The following ZBTB21 variants were observed in gnomAD, a reference collection of about 807,000 sequenced individuals.
ZBTB21 encodes the protein zinc finger and BTB domain containing 21.
Under a neutral mutation model 39.8 loss-of-function variants are expected in ZBTB21, and 10 were observed. That is an observed-to-expected ratio of 0.25 (90% CI 0.16 to 0.43). The LOEUF is 0.43. ZBTB21 is among the 20% of genes least tolerant of loss of function. ZBTB21 has a pLI of 1.00. For missense variants in ZBTB21, 1,221 were observed against 1,296.3 expected (o/e 0.94, Z 0.89); for synonymous variants, 551 against 498.8 (o/e 1.10, Z -1.40).
chr21:41,996,753 A>T (rs1157923561), intron 2 of ZBTB21, among the ~76,000 whole-genome samples: 1 of 152,190 alleles, frequency 6.6e-6, no homozygotes, highest in Non-Finnish European at 1.5e-5. Context: ...CTCATTTTGA[A>T]TTGTAGCTCT....
In ZBTB21 at chr21:42,008,555, A is replaced by G. The variant is rs557482590; in HGVS notation, c.-79+1697T>C. On this transcript the variant is annotated intron_variant, in intron 1 of 2. Coordinates refer to ENST00000310826, the MANE Select transcript of ZBTB21 (RefSeq NM_001098402.2). ...GAAACTCTGTCAAAAAAAAAAAAAA[A>G]AAAAAAAGAAAAAAAGAAAAGAAAA... Among the ~76,000 whole-genome samples the G allele has an allele frequency of 7.8e-4, 105 of 134,480 alleles. 1 individual carries two copies. The highest frequency in any genetic ancestry group is 1.9e-3 in the African/African-American group (74 of 39,910). The allele number at this position is 134,480 out of a possible 152,430, so 88.2% of individuals were successfully genotyped here.
intron 1 of ZBTB21, among the ~76,000 whole-genome samples, chr21:42,006,761 G>A (rs2065884068): frequency 6.6e-6 from 1 of 152,234 alleles, no homozygotes; most frequent in African/African-American, 2.4e-5. Flanking sequence ...TGGTCTCTAA[G>A]AGGTAATTAA....
At chr21:42,000,217 G>T (rs962232871) in intron 2 of ZBTB21, among the ~76,000 whole-genome samples, 18 of 152,320 alleles carry the variant, frequency 1.2e-4, no homozygotes, top group East Asian at 9.6e-4. Flanking sequence ...GAAAAACCAG[G>T]AGTTCAGATT....
At position 42,010,316 on chromosome 21, in the gene ZBTB21, A is replaced by AGCC; in HGVS notation, c.-146_-144dup. ...CTCACACTCGGCTCGCGCGCGCCGC[A>AGCC]GCCGCCGCTGCCGCTGTGATTCCAT... On this transcript the variant is annotated 5_prime_UTR_variant, in exon 1 of 3. Transcript: ENST00000310826. 1 of 398,138 alleles carries AGCC rather than the reference A, an allele frequency of 2.5e-6. No homozygotes were observed. The highest frequency in any genetic ancestry group is 3.6e-5 in the East Asian group (1 of 28,006). 24.7% of individuals were successfully genotyped at this position (398,138 alleles called of 1,614,324 possible).
At position 41,991,971 on chromosome 21, in the gene ZBTB21, G is replaced by A. The variant is rs766911585; in HGVS notation, c.2125C>T (p.His709Tyr). 5.6e-6 allele frequency: 9 copies of A among 1,614,042 alleles called. No individual in the cohort carries two copies. Among genetic ancestry groups the A allele is most frequent in the South Asian group, 1.1e-5 (1 of 91,094 alleles). Residue 709 changes from histidine (H) to tyrosine (Y), a missense_variant, in exon 3 of 3, where the codon CAT becomes TAT. Physicochemically the swap from His to Tyr is moderately conservative, Grantham distance 83 (BLOSUM62 2). Coordinates refer to ENST00000310826, the MANE Select transcript of ZBTB21 (RefSeq NM_001098402.2). The surrounding 1 kb of genome is among the most constrained non-coding windows in gnomAD (Gnocchi z 4.9). The stretch of plus-strand genomic sequence containing the variant: ...TCTACTGGACTTGCAAGAGGAGCAT[G>A]CTCTTTTGGTTTAGCAACTTTATTT... ...GVNKVAKPKEHAPLASPVENK... is the reference protein window; with the variant it reads ...GVNKVAKPKEYAPLASPVENK...
Position 41,992,597 on chromosome 21 carries a change from T to C in ZBTB21, c.1499A>G (p.Asn500Ser). 2 of 1,614,224 alleles carry C rather than the reference T, an allele frequency of 1.2e-6. No individual in the cohort carries two copies. The highest frequency in any genetic ancestry group is 1.7e-6 in the Non-Finnish European group (2 of 1,180,042). The stretch of plus-strand genomic sequence containing the variant: ...TTCTGACACAGGAGACCCGTGCTCA[T>C]TCACCTTTAACTTCTTAAACGGCAA... ...RRLPFKKLKV[N>S]EHGSPVSEDN... is the part of the protein sequence containing the mutation. The change falls in exon 3 of 3, where the codon AAT becomes AGT. Residue 500 changes from asparagine (N) to serine (S), a missense_variant. Physicochemically the swap from Asn to Ser is conservative, Grantham distance 46. Around this residue, in one of 4 missense-constraint regions of ZBTB21, gnomAD observed 500 missense variants for 465.6 expected, o/e 1.07. Transcript: ENST00000310826. This position sits in a 1 kb window ranked among gnomAD's most constrained non-coding sequence, Gnocchi z 4.1.
chr21:42,006,497 ACTCTGT>A (rs956711935), intron 1 of ZBTB21, among the ~76,000 whole-genome samples: 3 of 151,510 alleles, frequency 2.0e-5, no homozygotes, highest in Admixed American at 6.6e-5. Context: ...TGCTCCAGAT[ACTCTGT>A]CTCTAAGACC....
rs1040314066 is a variant in ZBTB21, at chr21:41,990,586, T to C, written c.*309A>G. ...ATCAATAAAAAACCAAAAACCTCAA[T>C]TAAATGATTATACTGACACCATGGA... On this transcript the variant is annotated 3_prime_UTR_variant, in exon 3 of 3. Transcript: ENST00000310826. The C allele has an allele frequency of 2.6e-5, 5 of 189,334 alleles. No homozygotes were observed. The highest frequency in any genetic ancestry group is 6.1e-5 in the Admixed American group (1 of 16,460). 11.7% of individuals were successfully genotyped at this position (189,334 alleles called of 1,614,324 possible).
chr21:41,986,851 A>G lies in ZBTB21; in HGVS notation c.*4044T>C, dbSNP rs1373396357. 1 of 152,636 alleles carries G rather than the reference A, an allele frequency of 6.6e-6. No individual in the cohort carries two copies. The highest frequency in any genetic ancestry group is 6.5e-5 in the Admixed American group (1 of 15,282). The allele number at this position is 152,636 out of a possible 1,614,324, so 9.5% of individuals were successfully genotyped here. A position where few individuals can be genotyped will look rare whatever the true frequency, so the allele number is the denominator to read the frequency against. ...CTGACTCGAAGCAAAATACAGTACA[A>G]ATTTATTGACTCCAATCATTCTTAG... On this transcript the variant is annotated 3_prime_UTR_variant, in exon 3 of 3. Coordinates refer to ENST00000310826, the MANE Select transcript of ZBTB21 (RefSeq NM_001098402.2).
Position 41,992,723 on chromosome 21 carries a change from G to A in ZBTB21, c.1373C>T (p.Ser458Leu). Reference protein sequence around the residue: ...VGDAATTAAASSSSVTRDLSL... With the variant: ...VGDAATTAAALSSSVTRDLSL... ...CAGGTCTCTTGTGACCGACGAAGAT[G>A]AGGCAGCTGCTGTTGTTGCCGCATC... is the stretch of plus-strand genomic sequence containing the variant. The change falls in exon 3 of 3, where the codon TCA (serine) becomes TTA (leucine). Residue 458 changes from serine to leucine, a missense_variant. Physicochemically the swap from Ser to Leu is moderately radical, Grantham distance 145. Around this residue, in one of 4 missense-constraint regions of ZBTB21, gnomAD observed 500 missense variants for 465.6 expected, o/e 1.07. Coordinates refer to ENST00000310826, the MANE Select transcript of ZBTB21 (RefSeq NM_001098402.2). This position sits in a 1 kb window ranked among gnomAD's most constrained non-coding sequence, Gnocchi z 4.1. The A allele has an allele frequency of 3.1e-6, 5 of 1,614,200 alleles. No individual in the cohort carries two copies. Among genetic ancestry groups the A allele is most frequent in the Middle Eastern group, 1.6e-4 (1 of 6,062 alleles).
At position 42,002,943 on chromosome 21, in the gene ZBTB21, T is replaced by A. The variant is rs2065835734; in HGVS notation, c.-60A>T. 1 of 152,262 alleles carries A rather than the reference T, an allele frequency of 6.6e-6. No individual in the cohort carries two copies. The highest frequency in any genetic ancestry group is 2.4e-5 in the African/African-American group (1 of 41,470). 9.4% of individuals were successfully genotyped at this position (152,262 alleles called of 1,614,324 possible). A position where few individuals can be genotyped will look rare whatever the true frequency, so the allele number is the denominator to read the frequency against. Reference sequence around the variant, plus strand: ...ATAGCTTCCCAAAGCCTTCCTGGATTGTTTCTACTTCATGTCTTCTGAAAT... The same window carrying A: ...ATAGCTTCCCAAAGCCTTCCTGGATAGTTTCTACTTCATGTCTTCTGAAAT... On this transcript the variant is annotated 5_prime_UTR_variant, in exon 2 of 3. Transcript: ENST00000310826.
chr21:41,992,050 G>C lies in ZBTB21; in HGVS notation c.2046C>G (p.Leu682=), dbSNP rs777685416. ...TTTTTATATGCTGCTTAAATTGAGAGAGAAAGCGGTACGCTTTTCCGCAGT... is the reference window on the plus strand; with the variant it reads ...TTTTTATATGCTGCTTAAATTGAGACAGAAAGCGGTACGCTTTTCCGCAGT... ...CTYCGKAYRF[L]SQFKQHIKMH... The change falls in exon 3 of 3, where the codon CTC becomes CTG. Residue 682 remains leucine (L), a synonymous_variant. Coordinates refer to ENST00000310826, the MANE Select transcript of ZBTB21 (RefSeq NM_001098402.2). The surrounding 1 kb of genome is among the most constrained non-coding windows in gnomAD (Gnocchi z 4.1). 4 of 1,614,248 alleles carry C rather than the reference G, an allele frequency of 2.5e-6. No individual in the cohort carries two copies. The highest frequency in any genetic ancestry group is 3.4e-6 in the Non-Finnish European group (4 of 1,180,046).
At chr21:41,996,346 T>A (rs2065746647) in intron 2 of ZBTB21, among the ~76,000 whole-genome samples, 2 of 152,192 alleles carry the variant, frequency 1.3e-5, no homozygotes, top group Non-Finnish European at 2.9e-5. Context: ...ACCTCTTATA[T>A]CAGCTTGACC....
At chr21:41,997,115 C>A (rs2065756803) in intron 2 of ZBTB21, among the ~76,000 whole-genome samples, 1 of 152,032 alleles carries the variant, frequency 6.6e-6, no homozygotes, top group African/African-American at 2.4e-5. Flanking sequence ...AGAAATGGGG[C>A]CTCACTATGT....
At chr21:42,004,868 G>A (rs1201150841) in intron 1 of ZBTB21, among the ~76,000 whole-genome samples, 4 of 152,206 alleles carry the variant, frequency 2.6e-5, no homozygotes, top group African/African-American at 9.7e-5. Flanking sequence ...GGATTTAGCC[G>A]TAACACCTAC....
At chr21:42,004,711 T>C (rs2065858637) in intron 1 of ZBTB21, among the ~76,000 whole-genome samples, 1 of 152,190 alleles carries the variant, frequency 6.6e-6, no homozygotes, top group South Asian at 2.1e-4. Flanking sequence ...TGGGGATTGC[T>C]TCTATAGTCC....
Position 41,992,076 on chromosome 21 carries a change from A to G in ZBTB21, c.2020T>C (p.Tyr674His). The G allele has an allele frequency of 6.2e-7, 1 of 1,614,220 alleles. No homozygotes were observed. The highest frequency in any genetic ancestry group is 8.5e-7 in the Non-Finnish European group (1 of 1,180,048). The change falls in exon 3 of 3, where the codon TAC (tyrosine) becomes CAC (histidine). Residue 674 changes from tyrosine to histidine, a missense_variant. Around this residue, in one of 4 missense-constraint regions of ZBTB21, gnomAD observed 523 missense variants for 542.5 expected, o/e 0.96. Coordinates refer to ENST00000310826, the MANE Select transcript of ZBTB21 (RefSeq NM_001098402.2). The surrounding 1 kb of genome is among the most constrained non-coding windows in gnomAD (Gnocchi z 4.1). ...AGAAAGCGGTACGCTTTTCCGCAGTAAGTACAAATGTAAGCTCCTTTGGCT... is the reference window on the plus strand; with the variant it reads ...AGAAAGCGGTACGCTTTTCCGCAGTGAGTACAAATGTAAGCTCCTTTGGCT... ...SRAKGAYICT[Y>H]CGKAYRFLSQ... is the part of the protein sequence containing the mutation.
intron 1 of ZBTB21, among the ~76,000 whole-genome samples, chr21:42,005,773 C>CATGGTT (rs1287135447): frequency 2.0e-5 from 3 of 152,166 alleles, no homozygotes; most frequent in Admixed American, 2.0e-4. Flanking sequence ...CTGTACAAGG[C>CATGGTT]ATGGTTAGAT....
Position 41,992,986 on chromosome 21 carries a change from A to C in ZBTB21, c.1110T>G (p.Ser370Arg), listed in dbSNP as rs2065689075. The part of the protein sequence containing the change: ...KSSQGSSSVS[S>R]DAPGNVLCAL... ...CACACAACACATTCCCTGGTGCATCACTGGACACCGAAGATGATCCCTGGG... is the reference window on the plus strand; with the variant it reads ...CACACAACACATTCCCTGGTGCATCCCTGGACACCGAAGATGATCCCTGGG... The change falls in exon 3 of 3, where the codon AGT becomes AGG. Residue 370 changes from serine (S) to arginine (R), a missense_variant. Physicochemically the swap from Ser to Arg is moderately radical, Grantham distance 110. Coordinates refer to ENST00000310826, the MANE Select transcript of ZBTB21 (RefSeq NM_001098402.2). The surrounding 1 kb of genome is among the most constrained non-coding windows in gnomAD (Gnocchi z 4.1). 3 of 1,614,184 alleles carry C rather than the reference A, an allele frequency of 1.9e-6. No homozygotes were observed. The highest frequency in any genetic ancestry group is 2.5e-6 in the Non-Finnish European group (3 of 1,180,026).
Sources: allele counts gnomAD v4.1 joint callset (sites outside exome capture counted in the v4.1 genomes callset), GRCh38; gene constraint gnomAD v4.1.1; regional missense constraint gnomAD v4.1.1; non-coding constraint Gnocchi (gnomAD v3.1); transcripts MANE v1.5; gene names NCBI Gene and HGNC (gene_info 2026-07-23, HGNC 2026-07-21).